The following UBN2 variants were observed in gnomAD, a reference collection of about 807,000 sequenced individuals.
UBN2 encodes the protein ubinuclein-2.
A neutral mutation model predicts 120.2 loss-of-function variants in UBN2; 35 were observed. The observed-to-expected ratio is 0.29, with a 90% CI of 0.22 to 0.39. The LOEUF (loss-of-function observed/expected upper bound fraction) is 0.39. Ranked by LOEUF, UBN2 falls within the 10% of genes least tolerant of loss-of-function variation. UBN2 has a pLI of 1.00. For synonymous variants in UBN2, 661 were observed against 648.7 expected, an observed-to-expected ratio of 1.02 and a Z score of -0.29; for missense variants, 1,693 against 1,663.2, an observed-to-expected ratio of 1.02 and a Z score of -0.31.
At chr7:139,311,939 G>A (rs1439072576), downstream of UBN2, among the ~76,000 whole-genome samples, 4 of 152,112 alleles carry the variant, frequency 2.6e-5, no homozygotes, top group Non-Finnish European at 2.9e-5. Context: ...CCATTCCAAG[G>A]GCCTGGCTCC....
At position 139,285,926 on chromosome 7, in the gene UBN2, T is replaced by A. The variant is rs567711029; in HGVS notation, c.3669+1352T>A. The stretch of plus-strand genomic sequence containing the variant: ...CCTGGCTAATTTTTGTATATTTATT[T>A]ATTATTATTATTATTTTTTTGAGAC... On this transcript the variant is annotated intron_variant, in intron 15 of 17. Transcript: ENST00000473989. 2.6e-5 allele frequency among the ~76,000 whole-genome samples: 4 copies of A among 151,816 alleles called. No individual in the cohort carries two copies. The South Asian group carries it at 8.3e-4, about 32-fold the overall frequency.
chr7:139,318,242 T>G, the UBN2 span, among the ~76,000 whole-genome samples: 1 of 152,202 alleles, frequency 6.6e-6, no homozygotes, highest in Non-Finnish European at 1.5e-5. Flanking sequence ...GCTGGTGACA[T>G]ATAGTCAGGG....
At position 139,269,380 on chromosome 7, in the gene UBN2, AC is replaced by A. The variant is rs1797194748; in HGVS notation, c.1467-13del. The A allele has an allele frequency of 6.2e-7, 1 of 1,612,574 alleles. No homozygotes were observed. Among genetic ancestry groups the A allele is most frequent in the South Asian group, 1.1e-5 (1 of 90,790 alleles). ...AATTCTATACTGTTCATTGTTGTTA[AC>A]TTTTTTGGCCAGCATTGAGTTACAG... On this transcript the variant is annotated splice_polypyrimidine_tract_variant and intron_variant, in intron 7 of 17. Transcript: ENST00000473989.
the UBN2 span, among the ~76,000 whole-genome samples, chr7:139,329,677 G>T: frequency 6.6e-6 from 1 of 151,920 alleles, no homozygotes; most frequent in African/African-American, 2.4e-5. Context: ...ATGGATGTAG[G>T]AGCTCCAGGA....
At chr7:139,261,192 A>G (rs1010524118) in intron 5 of UBN2, 60 bp from the exon 6 acceptor site, 3 of 1,516,448 alleles carry the variant, frequency 2.0e-6, no homozygotes, top group Non-Finnish European at 2.6e-6. Flanking sequence ...CTGCTTATTT[A>G]TGTGACACTT....
At chr7:139,244,763 A>T (rs1003895872) in intron 2 of UBN2, among the ~76,000 whole-genome samples, 6 of 152,096 alleles carry the variant, frequency 3.9e-5, no homozygotes, top group African/African-American at 1.4e-4. Context: ...AAGAAACAAT[A>T]TCTTGTTATT....
At chr7:139,326,371 G>A in the UBN2 span, among the ~76,000 whole-genome samples, 5 of 152,164 alleles carry the variant, frequency 3.3e-5, no homozygotes, top group African/African-American at 1.2e-4. Context: ...TTGCCTCTCA[G>A]CTCAAATATC....
chr7:139,316,538 C>T, the UBN2 span, among the ~76,000 whole-genome samples: 35 of 152,072 alleles, frequency 2.3e-4, no homozygotes, highest in African/African-American at 7.2e-4. Context: ...GAGGCCAAGG[C>T]GGGCAGATCA....
rs746562830 is a variant in UBN2, at chr7:139,304,525, TGGAGTG to T, written c.*6690_*6695del. ...GGGCTAAATGCTGAGCAACGATTGT[TGGAGTG>T]TGTGTGTAAATTTAAATTGTAGCAC... On this transcript the variant is annotated 3_prime_UTR_variant, in exon 18 of 18. Coordinates refer to ENST00000473989, the MANE Select transcript of UBN2 (RefSeq NM_173569.4). 1.4e-4 allele frequency: 21 copies of T among 152,174 alleles called. No homozygotes were observed. The highest frequency in any genetic ancestry group is 2.8e-4 in the Non-Finnish European group (19 of 68,040). 9.4% of individuals were successfully genotyped at this position (152,174 alleles called of 1,614,324 possible).
At chr7:139,253,617 C>T (rs1016968736) in intron 3 of UBN2, among the ~76,000 whole-genome samples, 1 of 152,166 alleles carries the variant, frequency 6.6e-6, no homozygotes, top group Non-Finnish European at 1.5e-5. Flanking sequence ...CAGCTTTTCC[C>T]CTGGAATCCC....
chr7:139,240,166 TTC>T (rs777710154), intron 2 of UBN2, among the ~76,000 whole-genome samples: 4 of 152,222 alleles, frequency 2.6e-5, no homozygotes, highest in Admixed American at 1.3e-4. Context: ...GCTATATTTC[TTC>T]TCTGGATTTT....
rs927838963 is a variant in UBN2, at chr7:139,237,022, A to G, written c.486A>G (p.Thr162=). 1.9e-6 allele frequency: 3 copies of G among 1,610,806 alleles called. 1 individual carries two copies. Among genetic ancestry groups the G allele is most frequent in the South Asian group, 2.2e-5 (2 of 90,884 alleles). ...CGEQRKKLIH[T]EDPFNDEHQE... ...TGAATCAGAAGAAGCTCATTCACAC[A>G]GAAGACCCATTTAATGATGAACATC... Residue 162 remains threonine, a synonymous_variant, in exon 2 of 18, where the codon ACA becomes ACG. Coordinates refer to ENST00000473989, the MANE Select transcript of UBN2 (RefSeq NM_173569.4).
At chr7:139,248,263 A>T (rs1796526538) in intron 2 of UBN2, among the ~76,000 whole-genome samples, 1 of 152,170 alleles carries the variant, frequency 6.6e-6, no homozygotes, top group Non-Finnish European at 1.5e-5. Flanking sequence ...TTATAACAGT[A>T]ATACTTCATA....
At chr7:139,233,323 G>A (rs1264929600) in intron 1 of UBN2, among the ~76,000 whole-genome samples, 4 of 152,100 alleles carry the variant, frequency 2.6e-5, no homozygotes, top group Non-Finnish European at 5.9e-5. Flanking sequence ...TTTCCCAAAA[G>A]AATATTAAAA....
At chr7:139,269,860 G>A (rs574557885) in intron 8 of UBN2, among the ~76,000 whole-genome samples, 1 of 151,826 alleles carries the variant, frequency 6.6e-6, no homozygotes, top group African/African-American at 2.4e-5. Context: ...AGGCTGGAGT[G>A]CCGTGGCGTG....
intron 6 of UBN2, 85 bp from the exon 7 acceptor site, chr7:139,266,248 A>T: frequency 1.1e-6 from 1 of 893,420 alleles, no homozygotes; most frequent in Non-Finnish European, 1.7e-6. Context: ...AAAAAAAAGA[A>T]AAAAACCTTT....
intron 2 of UBN2, among the ~76,000 whole-genome samples, chr7:139,240,452 A>G (rs201208679): frequency 3.5e-5 from 2 of 57,666 alleles, no homozygotes; most frequent in Non-Finnish European, 8.2e-5. Context: ...ATATATATAT[A>G]TATTTTTTTT....
intron 15 of UBN2, among the ~76,000 whole-genome samples, chr7:139,290,675 A>T (rs1797927073): frequency 6.6e-6 from 1 of 152,208 alleles, no homozygotes; most frequent in Non-Finnish European, 1.5e-5. Context: ...CAGGATGGAA[A>T]TTGAGATGAG....
chr7:139,250,170 G>T (rs1482140025), intron 2 of UBN2, among the ~76,000 whole-genome samples: 4 of 152,132 alleles, frequency 2.6e-5, no homozygotes, highest in African/African-American at 9.7e-5. Context: ...GAGCCTAGGT[G>T]TTCCAAGGTG....
Sources: allele counts gnomAD v4.1 joint callset (sites outside exome capture counted in the v4.1 genomes callset), GRCh38; gene constraint gnomAD v4.1.1; transcripts MANE v1.5; gene names NCBI Gene and HGNC (gene_info 2026-07-23, HGNC 2026-07-21).